Variants in PRKG2 observed in about 807,000 individuals in gnomAD.
PRKG2 encodes protein kinase cGMP-dependent 2.
PRKG2 carries 33 observed loss-of-function variants against 97.2 expected under a neutral mutation model. The observed-to-expected ratio is 0.34, with a 90% confidence interval of 0.26 to 0.45. The LOEUF (loss-of-function observed/expected upper bound fraction) is 0.45. PRKG2 is among the 20% of genes least tolerant of loss of function. The pLI is 1.00. For synonymous variants in PRKG2, 330 were observed against 321.8 expected, an observed-to-expected ratio of 1.03 and a Z score of -0.27; for missense variants, 638 against 900.0, an observed-to-expected ratio of 0.71 and a Z score of 3.73.
Position 81,149,646 on chromosome 4 carries a change from G to A in PRKG2, c.1086-694C>T, listed in dbSNP as rs148393077. ...CCTAATGAATGCCAGTGGGTATCAG[G>A]TAAAGTACTTCTTTACAGACCTTTA... is the stretch of plus-strand genomic sequence containing the variant. On this transcript the variant is annotated intron_variant, in intron 8 of 18. Coordinates refer to ENST00000264399, the MANE Select transcript of PRKG2 (RefSeq NM_006259.3). Among the ~76,000 whole-genome samples, 969 of 152,180 alleles carry A rather than the reference G, an allele frequency of 6.4e-3. 7 individuals carry two copies. Among genetic ancestry groups the A allele is most frequent in the Non-Finnish European group, 0.011 (761 of 68,006 alleles).
At chr4:81,202,289 CTT>C (rs1314579660) in intron 2 of PRKG2, among the ~76,000 whole-genome samples, 7 of 152,034 alleles carry the variant, frequency 4.6e-5, no homozygotes, top group African/African-American at 1.7e-4. Context: ...ATATTGAGCA[CTT>C]TTGAAAAATT....
intron 6 of PRKG2, among the ~76,000 whole-genome samples, chr4:81,165,241 C>T (rs1403187938): frequency 6.6e-6 from 1 of 152,032 alleles, no homozygotes; most frequent in Non-Finnish European, 1.5e-5. Flanking sequence ...ACAATCAGGG[C>T]CATTTGTTCT....
chr4:81,136,446 C>G (rs892477036), intron 13 of PRKG2, among the ~76,000 whole-genome samples: 1 of 152,176 alleles, frequency 6.6e-6, no homozygotes, highest in Non-Finnish European at 1.5e-5. Flanking sequence ...ACAGGTCTGA[C>G]TGTAAATATG....
intron 2 of PRKG2, among the ~76,000 whole-genome samples, chr4:81,187,406 A>T (rs373797606): frequency 6.6e-6 from 1 of 152,234 alleles, no homozygotes; most frequent in East Asian, 1.9e-4. Flanking sequence ...GCAGAAAAGG[A>T]CTTCAACAAA....
intron 14 of PRKG2, among the ~76,000 whole-genome samples, chr4:81,119,830 A>G (rs1294133286): frequency 6.6e-6 from 1 of 151,980 alleles, no homozygotes; most frequent in Non-Finnish European, 1.5e-5. Context: ...ACCCGCCACC[A>G]TGCCCGGCTA....
Position 81,088,058 on chromosome 4 carries a change from T to C in PRKG2, c.*1650A>G, listed in dbSNP as rs1257377401. 2.0e-5 allele frequency: 3 copies of C among 152,124 alleles called. No homozygotes were observed. The highest frequency in any genetic ancestry group is 2.9e-5 in the Non-Finnish European group (2 of 67,978). 9.4% of individuals were successfully genotyped at this position (152,124 alleles called of 1,614,324 possible). ...TTCAAATAAAAATCTTTAAAAACTC[T>C]TAGAAATTCTTTAAGCAGGTTATGT... On this transcript the variant is annotated 3_prime_UTR_variant, in exon 19 of 19. Transcript: ENST00000264399.
chr4:81,195,291 C>T (rs1752888770), intron 2 of PRKG2, among the ~76,000 whole-genome samples: 1 of 152,268 alleles, frequency 6.6e-6, no homozygotes, highest in African/African-American at 2.4e-5. Flanking sequence ...CTCTCCTCTC[C>T]CTCCTCCCAG....
chr4:81,107,061 G>A (rs1487583888), intron 15 of PRKG2, among the ~76,000 whole-genome samples: 2 of 152,216 alleles, frequency 1.3e-5, no homozygotes, highest in African/African-American at 4.8e-5. Context: ...CTAATGGGGT[G>A]AATAAGGCAT....
chr4:81,097,778 C>G (rs1011647650), intron 17 of PRKG2, among the ~76,000 whole-genome samples: 1 of 152,156 alleles, frequency 6.6e-6, no homozygotes, highest in African/African-American at 2.4e-5. Context: ...GAACCAATTT[C>G]TGACAGCTTC....
At chr4:81,163,439 A>G (rs1395050733) in intron 6 of PRKG2, among the ~76,000 whole-genome samples, 6 of 152,218 alleles carry the variant, frequency 3.9e-5, no homozygotes, top group South Asian at 4.1e-4. Context: ...TCTGACCAAC[A>G]GTAAGAAATA....
chr4:81,119,724 G>C (rs1028170291), intron 14 of PRKG2, among the ~76,000 whole-genome samples: 2 of 151,720 alleles, frequency 1.3e-5, no homozygotes, highest in African/African-American at 4.8e-5. Flanking sequence ...GCCCAGGCTG[G>C]AGTGCAGTGG....
chr4:81,196,363 T>C (rs1050428815), intron 2 of PRKG2, among the ~76,000 whole-genome samples: 14 of 152,178 alleles, frequency 9.2e-5, no homozygotes, highest in African/African-American at 3.1e-4. Flanking sequence ...CAAACTGAGA[T>C]AGCAAATATG....
intron 12 of PRKG2, among the ~76,000 whole-genome samples, chr4:81,140,187 G>A (rs1413852000): frequency 6.6e-6 from 1 of 152,038 alleles, no homozygotes; most frequent in Non-Finnish European, 1.5e-5. Context: ...AAGGGGAGAT[G>A]GTTAATGGGT....
Position 81,204,565 on chromosome 4 carries a change from A to T in PRKG2, c.461+22T>A, listed in dbSNP as rs766580782. The T allele has an allele frequency of 6.3e-6, 10 of 1,594,962 alleles. No homozygotes were observed. In the African/African-American group the frequency reaches 1.2e-4, roughly 19 times the overall value. On this transcript the variant is annotated intron_variant, in intron 2 of 18. Transcript: ENST00000264399. Reference sequence around the variant, plus strand: ...CACAATATTAAGCCCATCTGAGTTTAAAGGATGCGGAAATTTCTTACCTGG... The same window carrying T: ...CACAATATTAAGCCCATCTGAGTTTTAAGGATGCGGAAATTTCTTACCTGG...
At chr4:81,179,295 T>C (rs1578477812) in intron 2 of PRKG2, among the ~76,000 whole-genome samples, 1 of 95,770 alleles carries the variant, frequency 1.0e-5, no homozygotes, top group African/African-American at 1.4e-4. Context: ...ATGAGAAAAC[T>C]CTAAAAAGCA....
chr4:81,159,110 G>A (rs547660508), intron 6 of PRKG2, among the ~76,000 whole-genome samples: 1 of 152,260 alleles, frequency 6.6e-6, no homozygotes, highest in African/African-American at 2.4e-5. Flanking sequence ...ATTGACAAAT[G>A]GGATCTAATT....
chr4:81,211,209 A>G lies in PRKG2; in HGVS notation c.-14+3727T>C, dbSNP rs1238555160. ...TATGGACTTTAATAATAATGCATCA[A>G]TATTTGTTCCATCACTTGTAACACA... On this transcript the variant is annotated intron_variant, in intron 1 of 18. Coordinates refer to ENST00000264399, the MANE Select transcript of PRKG2 (RefSeq NM_006259.3). Among the ~76,000 whole-genome samples, 6 of 152,176 alleles carry G rather than the reference A, an allele frequency of 3.9e-5. No homozygotes were observed. The East Asian group carries it at 1.2e-3, about 29-fold the overall frequency.
At chr4:81,189,066 T>TAAAAAAAAAAAAAA in intron 2 of PRKG2, among the ~76,000 whole-genome samples, 592 of 17,006 alleles carry the variant, frequency 0.035, 40 homozygotes, top group East Asian at 0.051. Flanking sequence ...AAAAAAATAA[T>TAAAAAAAAAAAAAA]AAAAAAAAAA....
chr4:81,160,805 C>A lies in PRKG2; in HGVS notation c.912+6356G>T, dbSNP rs186319656. On this transcript the variant is annotated intron_variant, in intron 6 of 18. Transcript: ENST00000264399. ...TAAATATTTATGTGATTAGAAAATT[C>A]TTGAGGAGGGAAAAGTAATCTATCC... 2.2e-3 allele frequency among the ~76,000 whole-genome samples: 336 copies of A among 152,048 alleles called. 1 individual carries two copies. The highest frequency in any genetic ancestry group is 7.6e-3 in the African/African-American group (315 of 41,486).
Sources: allele counts gnomAD v4.1 joint callset (sites outside exome capture counted in the v4.1 genomes callset), GRCh38; gene constraint gnomAD v4.1.1; transcripts MANE v1.5; gene names NCBI Gene and HGNC (gene_info 2026-07-23, HGNC 2026-07-21).